Variants in RBMS3 observed in about 807,000 individuals in gnomAD.
The protein encoded by RBMS3 is RNA-binding motif, single-stranded-interacting protein 3.
RBMS3 carries 27 observed loss-of-function variants against 66.8 expected under a neutral mutation model. That is an observed-to-expected ratio of 0.40 (90% CI 0.30 to 0.56). The LOEUF (loss-of-function observed/expected upper bound fraction) is 0.56, where lower values mean the gene tolerates loss of function less well. RBMS3 is among the 20% of genes least tolerant of loss of function. The pLI is 0.40. For synonymous variants in RBMS3, 188 were observed against 183.0 expected (o/e 1.03, Z -0.22); for missense variants, 513 against 549.5 (o/e 0.93, Z 0.66).
intron 6 of RBMS3, among the ~76,000 whole-genome samples, chr3:29,834,568 T>G (rs924599759): frequency 6.6e-6 from 1 of 151,998 alleles, no homozygotes; most frequent in African/African-American, 2.4e-5. Context: ...TAAAATAGAT[T>G]GTTATAACTA....
intron 6 of RBMS3, among the ~76,000 whole-genome samples, chr3:29,852,883 A>T (rs1010719951): frequency 5.3e-5 from 8 of 152,220 alleles, no homozygotes; most frequent in African/African-American, 1.9e-4. Context: ...AGCACTATTC[A>T]AAATAGCAAA....
rs375277843 is a variant in RBMS3 at position 29,894,768 on chromosome 3, AAACAATT to A, written c.792-2610_792-2604del. ...AAATATATCAAGAGAAAAGGATAGA[AAACAATT>A]GGGACAGACATGGCAGTTGCTAATT... On this transcript the variant is annotated intron_variant, in intron 8 of 14. Transcript: ENST00000383767. Among the ~76,000 whole-genome samples, 1,340 of 151,702 alleles carry A rather than the reference AAACAATT, an allele frequency of 8.8e-3. 23 individuals are homozygous for A. Among genetic ancestry groups the A allele is most frequent in the African/African-American group, 0.031 (1,289 of 41,478 alleles).
chr3:29,296,899 T>C (rs1192891786), intron 1 of RBMS3, among the ~76,000 whole-genome samples: 1 of 151,592 alleles, frequency 6.6e-6, no homozygotes, highest in African/African-American at 2.4e-5. Context: ...TTAAACACTT[T>C]AGTCAAATTA....
intron 4 of RBMS3, among the ~76,000 whole-genome samples, chr3:29,648,107 T>C (rs1266115): frequency 0.98 from 148,567 of 152,150 alleles, 72,562 homozygotes; most frequent in East Asian, 1. Context: ...TGCAATACAA[T>C]CTTAAACCCT....
intron 14 of RBMS3, among the ~76,000 whole-genome samples, chr3:29,995,914 A>G (rs1699197126): frequency 6.6e-6 from 1 of 152,032 alleles, no homozygotes; most frequent in African/African-American, 2.4e-5. Context: ...TTCACACATA[A>G]CAATATTAAC....
chr3:29,351,832 A>AT (rs202028377), intron 1 of RBMS3, among the ~76,000 whole-genome samples: 7 of 151,624 alleles, frequency 4.6e-5, no homozygotes, highest in Non-Finnish European at 7.4e-5. Context: ...TTTCTTCTAG[A>AT]TTTTTTTTGT....
intron 6 of RBMS3, among the ~76,000 whole-genome samples, chr3:29,836,430 T>G (rs969340027): frequency 1.3e-5 from 2 of 152,006 alleles, no homozygotes; most frequent in African/African-American, 4.8e-5. Flanking sequence ...AAGTGGTATG[T>G]ATCACTGGGG....
At chr3:29,562,949 C>T (rs2046608787) in intron 3 of RBMS3, among the ~76,000 whole-genome samples, 1 of 151,912 alleles carries the variant, frequency 6.6e-6, no homozygotes, top group African/African-American at 2.4e-5. Flanking sequence ...ACTTAAAGTA[C>T]TGGAGGTTGG....
At position 30,002,781 on chromosome 3, in the gene RBMS3, A is replaced by T. The variant is rs369902891; in HGVS notation, c.1308-1075A>T. On this transcript the variant is annotated intron_variant, in intron 14 of 14. Transcript: ENST00000383767. ...ATGGCTTTTTGCAAATCAGGAAACT[A>T]TGTCCTTTCCAGGCCATCTCAAGCT... is the stretch of plus-strand genomic sequence containing the variant. Among the ~76,000 whole-genome samples, 78 of 152,136 alleles carry T rather than the reference A, an allele frequency of 5.1e-4. 1 individual carries two copies. The highest frequency in any genetic ancestry group is 2.5e-3 in the South Asian group (12 of 4,826).
At chr3:29,498,355 T>C (rs1386964198) in intron 3 of RBMS3, among the ~76,000 whole-genome samples, 1 of 152,136 alleles carries the variant, frequency 6.6e-6, no homozygotes, top group Non-Finnish European at 1.5e-5. Flanking sequence ...TTCTTTTTAA[T>C]GGTTTAAAGC....
At position 29,823,557 on chromosome 3, in the gene RBMS3, A is replaced by G. The variant is rs541651438; in HGVS notation, c.638-45301A>G. Among the ~76,000 whole-genome samples, 309 of 152,348 alleles carry G rather than the reference A, an allele frequency of 2.0e-3. 2 individuals are homozygous for G. The highest frequency in any genetic ancestry group is 3.6e-3 in the Non-Finnish European group (244 of 68,038). On this transcript the variant is annotated intron_variant, in intron 6 of 14. Transcript: ENST00000383767. ...GCATAGTGCAATAGAACTTCCTACA[A>G]TGACAGAAATATTCTTAATATGTAC...
At chr3:29,586,124 G>C (rs370742835) in intron 3 of RBMS3, among the ~76,000 whole-genome samples, 21 of 152,076 alleles carry the variant, frequency 1.4e-4, no homozygotes, top group African/African-American at 4.8e-4. Flanking sequence ...ATGATTCCCT[G>C]CCTGACAGAT....
At chr3:29,363,907 A>G (rs1446157336) in intron 1 of RBMS3, among the ~76,000 whole-genome samples, 3 of 152,078 alleles carry the variant, frequency 2.0e-5, no homozygotes, top group African/African-American at 7.2e-5. Flanking sequence ...AATTTAAAAC[A>G]TATTATTTAA....
intron 6 of RBMS3, among the ~76,000 whole-genome samples, chr3:29,863,896 A>G (rs1365260035): frequency 6.6e-6 from 1 of 152,202 alleles, no homozygotes; most frequent in African/African-American, 2.4e-5. Context: ...TAGAAGAAAT[A>G]TTAGTGTAAA....
intron 10 of RBMS3, among the ~76,000 whole-genome samples, chr3:29,901,015 G>GT (rs141635800): frequency 0.023 from 3,414 of 151,700 alleles, 129 homozygotes; most frequent in African/African-American, 0.079. Context: ...CATTTTGATA[G>GT]TTTTTTATTT....
At chr3:29,638,381 T>C (rs1193868150) in intron 4 of RBMS3, among the ~76,000 whole-genome samples, 1 of 151,852 alleles carries the variant, frequency 6.6e-6, no homozygotes, top group Non-Finnish European at 1.5e-5. Context: ...ATGATGGCTA[T>C]ATAGTTAAAA....
intron 5 of RBMS3, 34 bp downstream of exon 5, chr3:29,739,911 C>A: frequency 7.0e-7 from 1 of 1,430,878 alleles, no homozygotes; most frequent in Admixed American, 2.5e-5. Flanking sequence ...ATCGTTCTTT[C>A]CTCATTGTTC....
chr3:29,494,936 C>T (rs2043684858), intron 3 of RBMS3, among the ~76,000 whole-genome samples: 1 of 151,008 alleles, frequency 6.6e-6, no homozygotes, highest in African/African-American at 2.4e-5. Context: ...TACCAGCTCA[C>T]TTCTGAGGGT....
chr3:29,785,501 A>G (rs2149417314), intron 6 of RBMS3, among the ~76,000 whole-genome samples: 1 of 152,174 alleles, frequency 6.6e-6, no homozygotes, highest in South Asian at 2.1e-4. Flanking sequence ...AAAAGAACAA[A>G]TCTGGAGGCA....
Sources: allele counts gnomAD v4.1 joint callset (sites outside exome capture counted in the v4.1 genomes callset), GRCh38; gene constraint gnomAD v4.1.1; transcripts MANE v1.5; gene names NCBI Gene and HGNC (gene_info 2026-07-23, HGNC 2026-07-21).